The following POTEE variants were observed in gnomAD, a reference collection of about 807,000 sequenced individuals.
POTEE encodes the protein ANKRD26-like family C member 1A.
POTEE carries 21 observed loss-of-function variants against 74.2 expected under a neutral mutation model. That is an observed-to-expected ratio of 0.28 (90% confidence interval 0.20 to 0.41). The LOEUF is 0.41. Ranked by LOEUF, POTEE falls within the 10% of genes least tolerant of loss-of-function variation. The probability of loss-of-function intolerance (pLI) is 1.00; values close to 1 mark genes in which losing one functional copy is unlikely to be tolerated. For synonymous variants in POTEE, 211 were observed against 432.8 expected (o/e 0.49, Z 6.36); for missense variants, 525 against 1,158.6 (o/e 0.45, Z 7.94).
intron 16 of POTEE, among the ~76,000 whole-genome samples, chr2:131,256,822 A>G (rs1701586824): frequency 6.6e-6 from 1 of 151,766 alleles, no homozygotes; most frequent in East Asian, 1.9e-4. Flanking sequence ...AAAGAGAGAT[A>G]ATGAGGACTA....
chr2:131,215,070 T>G (rs974996677), intron 2 of POTEE, among the ~76,000 whole-genome samples: 1 of 149,790 alleles, frequency 6.7e-6, no homozygotes, highest in African/African-American at 2.5e-5. Context: ...TTTGCTGACT[T>G]GACCCAACCA....
At chr2:131,211,520 C>CTGTG (rs369206786) in intron 2 of POTEE, among the ~76,000 whole-genome samples, 936 of 50,282 alleles carry the variant, frequency 0.019, 41 homozygotes, top group African/African-American at 0.051. Context: ...TAGGGGGTGA[C>CTGTG]TGTGTGTGTG....
chr2:131,210,556 C>G (rs1433592654), intron 1 of POTEE, among the ~76,000 whole-genome samples: 1 of 152,056 alleles, frequency 6.6e-6, no homozygotes, highest in Non-Finnish European at 1.5e-5. Context: ...AGAGTTCCTG[C>G]TCGTGCAATC....
chr2:131,235,873 A>G (rs1252996624), intron 9 of POTEE, among the ~76,000 whole-genome samples: 1 of 151,898 alleles, frequency 6.6e-6, no homozygotes, highest in African/African-American at 2.4e-5. Flanking sequence ...AGATATTGGG[A>G]AGACATTGTA....
Position 131,211,198 on chromosome 2 carries a change from G to T in POTEE, c.-189+15G>T, listed in dbSNP as rs556042004. On this transcript the variant is annotated intron_variant, in intron 2 of 17. Coordinates refer to ENST00000683005, the MANE Select transcript of POTEE (RefSeq NM_001083538.3). ...CGACAGGAGTGGTAGGAGGGTGCCC[G>T]CGGGGGCAAGGTGGTAGGAACCTTG... Among the ~76,000 whole-genome samples the T allele has an allele frequency of 1.3e-5, 2 of 149,568 alleles. No individual in the cohort carries two copies. Among genetic ancestry groups the T allele is most frequent in the Admixed American group, 1.3e-4 (2 of 15,062 alleles).
In POTEE at chr2:131,218,759, T is replaced by A; in HGVS notation, c.357T>A (p.Ala119=). 2 of 1,612,826 alleles carry A rather than the reference T, an allele frequency of 1.2e-6. No homozygotes were observed. Among genetic ancestry groups the A allele is most frequent in the Non-Finnish European group, 1.7e-6 (2 of 1,179,748 alleles). Residue 119 remains alanine (A), a synonymous_variant, in exon 4 of 18, where the codon GCT becomes GCA. Transcript: ENST00000683005. ...GGAGCGGCAAGAGCAAGGTGGGCGC[T>A]TGGGGAGACTACGATGACAGCGCCT... ...CRGSGKSKVG[A]WGDYDDSAFM...
chr2:131,224,234 T>G (rs1342458300), intron 6 of POTEE, among the ~76,000 whole-genome samples, 191 bp downstream of exon 6: 7 of 151,778 alleles, frequency 4.6e-5, no homozygotes, highest in Non-Finnish European at 1.0e-4. Flanking sequence ...GGGTACAGTT[T>G]TTTTTTTTTA....
chr2:131,235,950 G>A (rs1192347288), intron 9 of POTEE, among the ~76,000 whole-genome samples: 1 of 152,044 alleles, frequency 6.6e-6, no homozygotes, highest in Non-Finnish European at 1.5e-5. Context: ...CAGAAAACAG[G>A]AGGCAGGAGA....
intron 8 of POTEE, among the ~76,000 whole-genome samples, chr2:131,230,339 G>A (rs1161302044): frequency 1.3e-5 from 2 of 152,082 alleles, no homozygotes; most frequent in Admixed American, 6.5e-5. Flanking sequence ...GGTTTTATTT[G>A]GGATTCCAAG....
intron 10 of POTEE, among the ~76,000 whole-genome samples, chr2:131,237,481 C>T (rs1701167144): frequency 1.3e-5 from 2 of 151,586 alleles, no homozygotes; most frequent in South Asian, 4.2e-4. Flanking sequence ...TGTTAGTGCA[C>T]AAACACAATA....
chr2:131,211,233 C>G (rs1332852453), intron 2 of POTEE, among the ~76,000 whole-genome samples, 50 bp downstream of exon 2: 5 of 151,910 alleles, frequency 3.3e-5, no homozygotes, highest in African/African-American at 1.2e-4. Flanking sequence ...GTAGGGTGGG[C>G]TGCTGCATTG....
At chr2:131,211,520 CTG>C (rs369206786) in intron 2 of POTEE, among the ~76,000 whole-genome samples, 8 of 50,268 alleles carry the variant, frequency 1.6e-4, no homozygotes, top group African/African-American at 4.0e-4. Context: ...TAGGGGGTGA[CTG>C]TGTGTGTGTG....
intron 16 of POTEE, among the ~76,000 whole-genome samples, chr2:131,261,188 G>A (rs1219390691): frequency 1.0e-4 from 15 of 150,244 alleles, no homozygotes; most frequent in Admixed American, 2.0e-4. Context: ...ACTCTCTGTC[G>A]CTCGCATTAC....
chr2:131,262,985 C>G (rs1701760097), intron 17 of POTEE, among the ~76,000 whole-genome samples: 2 of 151,970 alleles, frequency 1.3e-5, no homozygotes, highest in South Asian at 4.2e-4. Flanking sequence ...AAAATGTAGT[C>G]AAATTATTAA....
intron 4 of POTEE, among the ~76,000 whole-genome samples, chr2:131,220,202 A>C (rs963977171): frequency 4.6e-5 from 7 of 151,202 alleles, no homozygotes; most frequent in Admixed American, 2.0e-4. Flanking sequence ...GCAGATATAT[A>C]TTTATATATA....
intron 9 of POTEE, among the ~76,000 whole-genome samples, chr2:131,231,441 G>A (rs896061161): frequency 6.6e-6 from 1 of 152,014 alleles, no homozygotes; most frequent in Admixed American, 6.6e-5. Flanking sequence ...ATGAGTCTGT[G>A]GCCTGGGAGT....
intron 9 of POTEE, among the ~76,000 whole-genome samples, chr2:131,236,293 A>C (rs1295158769): frequency 6.6e-6 from 1 of 151,756 alleles, no homozygotes; most frequent in Non-Finnish European, 1.5e-5. Context: ...TGTGGGCTCT[A>C]GCTTCTCAGG....
chr2:131,222,528 G>A (rs1700650891), intron 4 of POTEE, among the ~76,000 whole-genome samples: 1 of 151,794 alleles, frequency 6.6e-6, no homozygotes, highest in Non-Finnish European at 1.5e-5. Context: ...GTTTACCTGT[G>A]TAACAAACCT....
rs952745138 is a variant in POTEE, at chr2:131,264,903, T to C, written c.*220T>C. 147 of 836,476 alleles carry C rather than the reference T, an allele frequency of 1.8e-4. No individual in the cohort carries two copies. Among genetic ancestry groups the C allele is most frequent in the Admixed American group, 3.5e-4 (12 of 34,590 alleles). 51.8% of individuals were successfully genotyped at this position (836,476 alleles called of 1,614,324 possible). ...TCTACAATGTTGCCAAGGACTTTGATTGTACATTGTTCTTCTTTTCAATAG... is the reference window on the plus strand; with the variant it reads ...TCTACAATGTTGCCAAGGACTTTGACTGTACATTGTTCTTCTTTTCAATAG... On this transcript the variant is annotated 3_prime_UTR_variant, in exon 18 of 18. Coordinates refer to ENST00000683005, the MANE Select transcript of POTEE (RefSeq NM_001083538.3).
Sources: gnomAD v4.1 joint callset for allele counts (sites outside exome capture counted in the v4.1 genomes callset) on GRCh38, gnomAD v4.1.1 for gene constraint, MANE v1.5 for transcripts, NCBI Gene and HGNC (gene_info 2026-07-23, HGNC 2026-07-21) for gene names.